Variants in RASA2 observed in about 807,000 individuals in gnomAD.
RASA2 encodes the protein RAS p21 protein activator 2, also known as ras GTPase-activating protein 2.
A neutral mutation model predicts 118.2 loss-of-function variants in RASA2; 155 were observed. The observed-to-expected ratio is 1.31, with a 90% CI of 1.15 to 1.50. The LOEUF (loss-of-function observed/expected upper bound fraction) is 1.50. Ranked by LOEUF, RASA2 falls within the 40% of genes most tolerant of loss-of-function variation. RASA2 has a pLI of 0.00. For synonymous variants in RASA2, 353 were observed against 349.1 expected (o/e 1.01, Z -0.12); for missense variants, 1,016 against 1,009.6 (o/e 1.01, Z -0.09).
At chr3:141,607,014 T>C (rs534120969) in intron 19 of RASA2, among the ~76,000 whole-genome samples, 15 of 152,334 alleles carry the variant, frequency 9.8e-5, no homozygotes, top group African/African-American at 3.6e-4. Context: ...CATATTCTTA[T>C]GCCATGTTAT....
chr3:141,573,244 A>G (rs779187259), intron 13 of RASA2, 23 bp downstream of exon 13: 1 of 1,530,122 alleles, frequency 6.5e-7, no homozygotes, highest in Non-Finnish European at 8.7e-7. Context: ...TATATTATTT[A>G]TAATTGCATT....
chr3:141,517,073 C>T (rs1390537005), intron 3 of RASA2, among the ~76,000 whole-genome samples: 1 of 152,074 alleles, frequency 6.6e-6, no homozygotes, highest in Non-Finnish European at 1.5e-5. Flanking sequence ...CCTGGCCGGG[C>T]AGGGACTCTT....
At chr3:141,556,138 C>T (rs189785219) in intron 7 of RASA2, among the ~76,000 whole-genome samples, 25 of 152,296 alleles carry the variant, frequency 1.6e-4, no homozygotes, top group Middle Eastern at 3.4e-3. Flanking sequence ...AGGGCCATAC[C>T]CACTCCCCAG....
rs571697682 is a variant in RASA2, at chr3:141,502,007, C to T, written c.134-10156C>T. 5.3e-5 allele frequency among the ~76,000 whole-genome samples: 8 copies of T among 152,258 alleles called. No homozygotes were observed. In the East Asian group the frequency reaches 1.5e-3, roughly 29 times the overall value. ...ATTTCAAAGTCCAAAATTCCAAATG[C>T]TCCAGGATGCAAAACTGAGCACCAA... On this transcript the variant is annotated intron_variant, in intron 1 of 23. Transcript: ENST00000286364.
chr3:141,505,589 T>C (rs549657038), intron 1 of RASA2, among the ~76,000 whole-genome samples: 6 of 152,284 alleles, frequency 3.9e-5, no homozygotes, highest in African/African-American at 1.4e-4. Flanking sequence ...GGGGTAAAGA[T>C]GAACTAGATG....
intron 8 of RASA2, among the ~76,000 whole-genome samples, chr3:141,559,182 A>G (rs1418722500): frequency 2.0e-5 from 3 of 152,158 alleles, no homozygotes; most frequent in East Asian, 3.8e-4. Context: ...AACAAAGATG[A>G]TCTAATTTTC....
chr3:141,538,709 CTT>C (rs1040349767), intron 4 of RASA2, among the ~76,000 whole-genome samples: 7 of 152,274 alleles, frequency 4.6e-5, no homozygotes, highest in Admixed American at 4.6e-4. Context: ...TGTCCTCACA[CTT>C]TTCTTGACCT....
chr3:141,535,137 C>T (rs989016948), intron 4 of RASA2, among the ~76,000 whole-genome samples: 4 of 152,136 alleles, frequency 2.6e-5, no homozygotes, highest in Non-Finnish European at 5.9e-5. Context: ...ATGCTCACCT[C>T]ATTTCTCTAT....
At chr3:141,571,356 A>G in intron 10 of RASA2, 50 bp from the exon 11 acceptor site, 3 of 1,578,012 alleles carry the variant, frequency 1.9e-6, no homozygotes, top group Non-Finnish European at 2.6e-6. Context: ...TTGAACAGTT[A>G]ATCATGTTTC....
Position 141,529,762 on chromosome 3 carries a change from G to C in RASA2, c.410G>C (p.Trp137Ser). ...DLCNHSGKET[W>S]FSLQPVDSNS... ...TGTAATCACAGTGGCAAAGAAACTT[G>C]GTTTTCATTACAGCCTGTTGACTCC... The change falls in exon 4 of 24, where the codon TGG becomes TCG. Residue 137 changes from tryptophan to serine, a missense_variant. Transcript: ENST00000286364. 6.2e-7 allele frequency: 1 copy of C among 1,612,174 alleles called. No individual in the cohort carries two copies. Among genetic ancestry groups the C allele is most frequent in the Non-Finnish European group, 8.5e-7 (1 of 1,178,714 alleles).
intron 19 of RASA2, among the ~76,000 whole-genome samples, chr3:141,596,763 A>G (rs1180521572): frequency 1.3e-5 from 2 of 152,236 alleles, no homozygotes; most frequent in Non-Finnish European, 2.9e-5. Context: ...CACACCAACT[A>G]GAGTGTCTGT....
At chr3:141,494,595 C>T (rs1456200234) in intron 1 of RASA2, among the ~76,000 whole-genome samples, 1 of 152,174 alleles carries the variant, frequency 6.6e-6, no homozygotes, top group Non-Finnish European at 1.5e-5. Flanking sequence ...TCTCGATCTC[C>T]TGATCTCGTG....
At chr3:141,586,401 G>A (rs1390350386) in intron 18 of RASA2, among the ~76,000 whole-genome samples, 1 of 151,952 alleles carries the variant, frequency 6.6e-6, no homozygotes, top group Non-Finnish European at 1.5e-5. Flanking sequence ...AGTTAAGGGG[G>A]GGAACCACTC....
chr3:141,541,719 T>C (rs1051606302), intron 5 of RASA2, among the ~76,000 whole-genome samples: 2 of 152,150 alleles, frequency 1.3e-5, no homozygotes, highest in African/African-American at 2.4e-5. Flanking sequence ...TTATGTTTTA[T>C]GTTTAGTTGA....
intron 1 of RASA2, among the ~76,000 whole-genome samples, chr3:141,506,926 A>G (rs934341486): frequency 3.9e-5 from 6 of 151,902 alleles, no homozygotes; most frequent in African/African-American, 1.4e-4. Flanking sequence ...AAAAAAAAAA[A>G]AAAAAAGAAA....
intron 4 of RASA2, among the ~76,000 whole-genome samples, chr3:141,538,100 AACACACACAC>A (rs60054807): frequency 1.5e-5 from 2 of 136,656 alleles, no homozygotes; most frequent in African/African-American, 2.5e-5. Flanking sequence ...CAAAAAACAA[AACACACACAC>A]ACACACACAC....
chr3:141,501,046 T>G (rs2081771697), intron 1 of RASA2, among the ~76,000 whole-genome samples: 1 of 152,182 alleles, frequency 6.6e-6, no homozygotes, highest in Non-Finnish European at 1.5e-5. Flanking sequence ...TTTTGCCAGA[T>G]TTTGATTATT....
intron 3 of RASA2, among the ~76,000 whole-genome samples, chr3:141,517,089 C>T (rs981451523): frequency 2.6e-5 from 4 of 152,204 alleles, no homozygotes; most frequent in Middle Eastern, 3.4e-3. Flanking sequence ...CTCTTTCTTA[C>T]GGAGCACCTT....
Position 141,551,252 on chromosome 3 carries a change from A to G in RASA2, c.528-2605A>G, listed in dbSNP as rs529544197. ...TTGATCCTTTTGTGGTTTACTTTTA[A>G]CTTTTGTTAAACAGACAAGCACAGT... On this transcript the variant is annotated intron_variant, in intron 5 of 23. Coordinates refer to ENST00000286364, the MANE Select transcript of RASA2 (RefSeq NM_006506.5). Among the ~76,000 whole-genome samples, 353 of 152,206 alleles carry G rather than the reference A, an allele frequency of 2.3e-3. 4 individuals carry two copies. Among genetic ancestry groups the G allele is most frequent in the African/African-American group, 8.1e-3 (337 of 41,532 alleles).
Sources: allele counts gnomAD v4.1 joint callset (sites outside exome capture counted in the v4.1 genomes callset), GRCh38; gene constraint gnomAD v4.1.1; transcripts MANE v1.5; gene names NCBI Gene and HGNC (gene_info 2026-07-23, HGNC 2026-07-21).